The following MALRD1 variants were observed in gnomAD, a reference collection of about 807,000 sequenced individuals.
MALRD1 encodes MAM and LDL receptor class A domain containing 1, also known as MAM and LDL-receptor class A domain-containing protein 1.
In MALRD1, 247 loss-of-function variants were observed where a neutral mutation model predicts 242.1. The ratio of observed to expected loss-of-function variants is 1.02; its 90% CI spans 0.92 to 1.13. The LOEUF (loss-of-function observed/expected upper bound fraction) is 1.13, where lower values mean the gene tolerates loss of function less well. Among genes scored for constraint, MALRD1 ranks in the 50% most tolerant of loss-of-function variants. MALRD1 has a pLI of 0.00. For missense variants in MALRD1, 2,989 were observed against 2,533.1 expected (o/e 1.18, Z -3.86); for synonymous variants, 995 against 866.6 (o/e 1.15, Z -2.60).
chr10:19,224,597 G>A (rs1406178343), intron 18 of MALRD1, among the ~76,000 whole-genome samples: 7 of 152,140 alleles, frequency 4.6e-5, no homozygotes, highest in Non-Finnish European at 8.8e-5. Flanking sequence ...AGCCTATGAT[G>A]AGCTTTTTTT....
chr10:19,335,328 A>C (rs1843559547), intron 24 of MALRD1, among the ~76,000 whole-genome samples: 1 of 152,054 alleles, frequency 6.6e-6, no homozygotes, highest in Non-Finnish European at 1.5e-5. Flanking sequence ...AAATCAGAAT[A>C]AACCTGATTT....
At position 19,719,244 on chromosome 10, in the gene MALRD1, A is replaced by ATATATGTG. The variant is rs1554830474; in HGVS notation, c.6315-11457_6315-11456insGTGTATAT. On this transcript the variant is annotated intron_variant, in intron 38 of 39. Coordinates refer to ENST00000454679, the MANE Select transcript of MALRD1 (RefSeq NM_001142308.3). ...CATACATATATATATATATATATAT[A>ATATATGTG]TATATATATATATATGCTATCAAAT... 3.3e-4 allele frequency among the ~76,000 whole-genome samples: 32 copies of ATATATGTG among 96,932 alleles called. 2 individuals are homozygous for ATATATGTG. Among genetic ancestry groups the ATATATGTG allele is most frequent in the South Asian group, 9.9e-4 (3 of 3,036 alleles). The allele number at this position is 96,932 out of a possible 152,430, so 63.6% of individuals were successfully genotyped here. A position where few individuals can be genotyped will look rare whatever the true frequency, so the allele number is the denominator to read the frequency against.
Position 19,692,282 on chromosome 10 carries a change from A to G in MALRD1, c.6138A>G (p.Arg2046=), listed in dbSNP as rs1340031917. ...CVVEKNGPMC[R]CRQGWKGNRC... ...CTATTTTATTTTATCTCCTTTCCAG[A>G]TGTAGACAAGGCTGGAAAGGAAATC... is the stretch of plus-strand genomic sequence containing the variant. The change falls in exon 37 of 40, where the codon CGA becomes CGG. Residue 2046 remains arginine (R), a splice_region_variant and synonymous_variant. Transcript: ENST00000454679. 2 of 1,532,426 alleles carry G rather than the reference A, an allele frequency of 1.3e-6. No homozygotes were observed. The highest frequency in any genetic ancestry group is 1.7e-6 in the Non-Finnish European group (2 of 1,144,384). 94.9% of individuals were successfully genotyped at this position (1,532,426 alleles called of 1,614,324 possible).
At chr10:19,047,874 C>T (rs1165257747), upstream of MALRD1, among the ~76,000 whole-genome samples, 3 of 152,088 alleles carry the variant, frequency 2.0e-5, no homozygotes, top group Admixed American at 6.6e-5. Flanking sequence ...CTACATTCTC[C>T]GGTTATTTTT....
chr10:19,709,743 T>C (rs1449204415), intron 38 of MALRD1, among the ~76,000 whole-genome samples: 1 of 152,194 alleles, frequency 6.6e-6, no homozygotes, highest in African/African-American at 2.4e-5. Flanking sequence ...AAAGAGTTAA[T>C]GCTCATTTTA....
chr10:19,590,842 A>G (rs935624214), intron 33 of MALRD1, among the ~76,000 whole-genome samples: 4 of 152,098 alleles, frequency 2.6e-5, no homozygotes, highest in African/African-American at 9.7e-5. Flanking sequence ...AACATTCTGC[A>G]CCAGAGTGGA....
At chr10:19,653,205 AT>A (rs71507289) in intron 36 of MALRD1, among the ~76,000 whole-genome samples, 30 of 150,370 alleles carry the variant, frequency 2.0e-4, no homozygotes, top group Middle Eastern at 3.4e-3. Context: ...TATTATTATT[AT>A]TTTTTTTTGA....
At chr10:19,241,305 A>T (rs937848044) in intron 18 of MALRD1, among the ~76,000 whole-genome samples, 1 of 152,078 alleles carries the variant, frequency 6.6e-6, no homozygotes, top group African/African-American at 2.4e-5. Flanking sequence ...TAATCTTGGT[A>T]GTTGTATGTG....
chr10:19,707,337 C>T (rs1159760184), intron 38 of MALRD1, among the ~76,000 whole-genome samples: 2 of 152,100 alleles, frequency 1.3e-5, no homozygotes, highest in East Asian at 3.9e-4. Flanking sequence ...CTGACCACAC[C>T]TTCGTAAATT....
chr10:19,660,382 A>G (rs1841372272), intron 36 of MALRD1, among the ~76,000 whole-genome samples: 1 of 152,176 alleles, frequency 6.6e-6, no homozygotes, highest in Non-Finnish European at 1.5e-5. Flanking sequence ...ACCTGTAGAC[A>G]AAGCAGTGAC....
intron 24 of MALRD1, among the ~76,000 whole-genome samples, chr10:19,346,193 A>G (rs1447982589): frequency 6.6e-6 from 1 of 152,208 alleles, no homozygotes; most frequent in African/African-American, 2.4e-5. Context: ...ATGTATCTAT[A>G]CAGAAACAAA....
intron 30 of MALRD1, among the ~76,000 whole-genome samples, chr10:19,492,984 A>T (rs962002636): frequency 2.0e-5 from 3 of 152,184 alleles, no homozygotes; most frequent in Admixed American, 2.0e-4. Context: ...TTTAAACTTT[A>T]AAAAGCTGTG....
chr10:19,083,815 T>C (rs1835572862), intron 2 of MALRD1, among the ~76,000 whole-genome samples: 1 of 151,976 alleles, frequency 6.6e-6, no homozygotes, highest in African/African-American at 2.4e-5. Flanking sequence ...CACCATTTTT[T>C]AAAACTGAGA....
chr10:19,719,195 CAT>C (rs375329335), intron 38 of MALRD1, among the ~76,000 whole-genome samples: 637 of 18,728 alleles, frequency 0.034, 17 homozygotes, highest in Middle Eastern at 0.096. Flanking sequence ...TATATACATA[CAT>C]ATATATATAT....
At chr10:19,153,883 T>TG (rs35873663) in intron 11 of MALRD1, among the ~76,000 whole-genome samples, 55,786 of 151,920 alleles carry the variant, frequency 0.37, 10,662 homozygotes, top group Admixed American at 0.43. Context: ...TGTTTGAAAT[T>TG]TGTATATTCT....
chr10:19,347,951 C>T lies in MALRD1; in HGVS notation c.4082C>T (p.Pro1361Leu), dbSNP rs138768477. 1 of 1,550,304 alleles carries T rather than the reference C, an allele frequency of 6.5e-7. No individual in the cohort carries two copies. The highest frequency in any genetic ancestry group is 2.4e-5 in the East Asian group (1 of 40,894). The change falls in exon 25 of 40, where the codon CCT becomes CTT. Residue 1361 changes from proline (P) to leucine (L), a missense_variant. Coordinates refer to ENST00000454679, the MANE Select transcript of MALRD1 (RefSeq NM_001142308.3). ...TACATCTTTATAAAGAGTTTGTTTCCTCAGCAGCCCATGAGAGCTGCCAGA... is the reference window on the plus strand; with the variant it reads ...TACATCTTTATAAAGAGTTTGTTTCTTCAGCAGCCCATGAGAGCTGCCAGA... ...GHYIFIKSLF[P>L]QQPMRAARIS... is the part of the protein sequence containing the mutation.
intron 30 of MALRD1, chr10:19,493,422 A>G (rs897571625): frequency 3.3e-5 from 5 of 152,182 alleles, no homozygotes; most frequent in Non-Finnish European, 5.9e-5. Context: ...TATTAATTTT[A>G]TAAAATATCA....
chr10:19,352,763 C>T (rs940195228), intron 26 of MALRD1, among the ~76,000 whole-genome samples: 1 of 152,108 alleles, frequency 6.6e-6, no homozygotes, highest in Non-Finnish European at 1.5e-5. Context: ...TTAAATGTGT[C>T]CATATGTCCT....
chr10:19,523,079 A>G (rs561928683), intron 31 of MALRD1, among the ~76,000 whole-genome samples: 1 of 152,286 alleles, frequency 6.6e-6, no homozygotes, highest in South Asian at 2.1e-4. Flanking sequence ...TACATGTAGT[A>G]GATCATTTAA....
Sources: allele counts gnomAD v4.1 joint callset (sites outside exome capture counted in the v4.1 genomes callset), GRCh38; gene constraint gnomAD v4.1.1; transcripts MANE v1.5; gene names NCBI Gene and HGNC (gene_info 2026-07-23, HGNC 2026-07-21).